Variants in ZBTB7C observed in about 807,000 individuals in gnomAD.
The protein encoded by ZBTB7C is zinc finger and BTB domain containing 7C, also known as zinc finger and BTB domain-containing protein 7C.
Under a neutral mutation model 25.7 loss-of-function variants are expected in ZBTB7C, and 8 were observed. The observed-to-expected ratio is 0.31, with a 90% CI of 0.18 to 0.56. The LOEUF (loss-of-function observed/expected upper bound fraction) is 0.56. Among genes scored for constraint, ZBTB7C ranks in the 20% least tolerant of loss-of-function variants. ZBTB7C has a pLI of 0.91. For synonymous variants in ZBTB7C, 394 were observed against 369.0 expected, an observed-to-expected ratio of 1.07 and a Z score of -0.78; for missense variants, 824 against 855.2, an observed-to-expected ratio of 0.96 and a Z score of 0.46.
chr18:48,229,522 T>G (rs1396401349), intron 2 of ZBTB7C, among the ~76,000 whole-genome samples: 1 of 152,172 alleles, frequency 6.6e-6, no homozygotes, highest in Non-Finnish European at 1.5e-5. Flanking sequence ...GACAGTTCAT[T>G]TATAAGAAGT....
At chr18:48,052,535 A>G (rs2036731753) in intron 3 of ZBTB7C, among the ~76,000 whole-genome samples, 1 of 152,108 alleles carries the variant, frequency 6.6e-6, no homozygotes, top group African/African-American at 2.4e-5. Flanking sequence ...AGCTGAGTCC[A>G]TTGCTGCTGG....
chr18:48,167,597 T>TGTGTGTGTGTGCGC (rs779870966), intron 3 of ZBTB7C, among the ~76,000 whole-genome samples: 163 of 148,146 alleles, frequency 1.1e-3, no homozygotes, highest in African/African-American at 3.7e-3. Context: ...TGTGTGTGTG[T>TGTGTGTGTGTGCGC]GCGCGCGTGC....
chr18:48,119,275 G>A (rs1033142890), intron 3 of ZBTB7C, among the ~76,000 whole-genome samples: 1 of 152,216 alleles, frequency 6.6e-6, no homozygotes, highest in Non-Finnish European at 1.5e-5. Context: ...TAAAACAATG[G>A]CACCTGATCT....
At chr18:48,354,126 T>C (rs1162142255) in intron 1 of ZBTB7C, among the ~76,000 whole-genome samples, 1 of 152,224 alleles carries the variant, frequency 6.6e-6, no homozygotes, top group Non-Finnish European at 1.5e-5. Context: ...AATTCACATC[T>C]GCACACAAAA....
chr18:48,189,772 C>A (rs1163907150), intron 2 of ZBTB7C, among the ~76,000 whole-genome samples: 3 of 152,156 alleles, frequency 2.0e-5, no homozygotes, highest in African/African-American at 7.2e-5. Flanking sequence ...GCCTTGCTCT[C>A]ATTAGATCAT....
chr18:48,319,972 A>G (rs2144847495), intron 2 of ZBTB7C, among the ~76,000 whole-genome samples: 1 of 152,292 alleles, frequency 6.6e-6, no homozygotes, highest in East Asian at 1.9e-4. Flanking sequence ...ATAGAATAGA[A>G]AAAAATTCCC....
chr18:48,040,258 T>C lies in ZBTB7C; in HGVS notation c.850A>G (p.Ile284Val). Residue 284 changes from isoleucine (I) to valine (V), a missense_variant, in exon 4 of 5, where the codon ATC (isoleucine) becomes GTC (valine). Physicochemically the swap from Ile to Val is conservative, Grantham distance 29 (BLOSUM62 3). This residue lies in a region of ZBTB7C where 316 missense variants were observed against 299.2 expected (regional missense o/e 1.06). Transcript: ENST00000590800. ...PMDSGPLDLV[I>V]KNRKIKEEEK... ...TCCTCCTTGATCTTCCGATTCTTGA[T>C]GACCAGATCCAGTGGCCCACTGTCC... 1 of 1,561,238 alleles carries C rather than the reference T, an allele frequency of 6.4e-7. No individual in the cohort carries two copies. Among genetic ancestry groups the C allele is most frequent in the Non-Finnish European group, 8.6e-7 (1 of 1,156,540 alleles).
At chr18:48,257,421 A>G (rs1381228471) in intron 2 of ZBTB7C, among the ~76,000 whole-genome samples, 1 of 152,158 alleles carries the variant, frequency 6.6e-6, no homozygotes, top group African/African-American at 2.4e-5. Flanking sequence ...GTACTTAAAA[A>G]CTTTCCCATA....
chr18:48,039,379 ATGT>A (rs1321713854), intron 4 of ZBTB7C, among the ~76,000 whole-genome samples: 5 of 152,150 alleles, frequency 3.3e-5, no homozygotes, highest in Non-Finnish European at 5.9e-5. Context: ...CCACTGGGAG[ATGT>A]GTCATAAACA....
At chr18:48,345,549 C>T (rs2046709286) in intron 1 of ZBTB7C, among the ~76,000 whole-genome samples, 1 of 151,668 alleles carries the variant, frequency 6.6e-6, no homozygotes, top group Admixed American at 6.5e-5. Flanking sequence ...CACCGCCCCC[C>T]ACACCCCCAG....
At chr18:48,236,131 T>G (rs574285687) in intron 2 of ZBTB7C, among the ~76,000 whole-genome samples, 1 of 152,368 alleles carries the variant, frequency 6.6e-6, no homozygotes, top group South Asian at 2.1e-4. Context: ...TGTTTCTCTA[T>G]TCTGTATTCT....
intron 2 of ZBTB7C, among the ~76,000 whole-genome samples, chr18:48,191,347 T>C (rs1401365435): frequency 1.3e-5 from 2 of 152,210 alleles, no homozygotes; most frequent in African/African-American, 2.4e-5. Flanking sequence ...CTGTGTGACA[T>C]TGGGCGAGTG....
intron 3 of ZBTB7C, among the ~76,000 whole-genome samples, chr18:48,160,158 G>A (rs1474683521): frequency 6.6e-6 from 1 of 152,168 alleles, no homozygotes; most frequent in Non-Finnish European, 1.5e-5. Flanking sequence ...AGGCTCCGAT[G>A]GGGGTCACTG....
intron 3 of ZBTB7C, among the ~76,000 whole-genome samples, chr18:48,103,078 TTA>T (rs1293434027): frequency 7.3e-6 from 1 of 136,844 alleles, no homozygotes; most frequent in Non-Finnish European, 1.5e-5. Context: ...ATATTTTATA[TTA>T]TATATATCTT....
At chr18:48,137,422 A>C (rs12605943) in intron 3 of ZBTB7C, 389,381 of 632,390 alleles carry the variant, frequency 0.62, 116,615 homozygotes, top group Admixed American at 0.72. Flanking sequence ...GTTTCCCCCC[A>C]CTCTCCTTCT....
At chr18:48,403,406 G>C (rs9955746) in intron 1 of ZBTB7C, among the ~76,000 whole-genome samples, 5,493 of 152,300 alleles carry the variant, frequency 0.036, 334 homozygotes, top group African/African-American at 0.12. Context: ...GCCTACATGA[G>C]AGTATGTATG....
intron 1 of ZBTB7C, among the ~76,000 whole-genome samples, chr18:48,357,849 A>G (rs2047011340): frequency 6.6e-6 from 1 of 152,190 alleles, no homozygotes; most frequent in Non-Finnish European, 1.5e-5. Context: ...AACGGCACAG[A>G]GTAGAAGTTT....
intron 1 of ZBTB7C, among the ~76,000 whole-genome samples, chr18:48,363,531 T>C (rs1456696067): frequency 6.6e-6 from 1 of 151,984 alleles, no homozygotes; most frequent in South Asian, 2.1e-4. Context: ...TCCAAGGCAA[T>C]TGAAAAGAGC....
rs141564101 is a variant in ZBTB7C at position 48,042,397 on chromosome 18, A to G, written c.-16-1274T>C. Among the ~76,000 whole-genome samples the G allele has an allele frequency of 2.8e-3, 430 of 152,348 alleles. 2 individuals carry two copies. The highest frequency in any genetic ancestry group is 4.9e-3 in the Non-Finnish European group (330 of 68,040). ...GGCTCATCTAGATAAATCCTAGCAA[A>G]GCCCTGGCCCTTATCTTGGTACAAA... On this transcript the variant is annotated intron_variant, in intron 3 of 4. Transcript: ENST00000590800.
Sources: gnomAD v4.1 joint callset for allele counts (sites outside exome capture counted in the v4.1 genomes callset) on GRCh38, gnomAD v4.1.1 for gene constraint, gnomAD v4.1.1 regional missense constraint, MANE v1.5 for transcripts, NCBI Gene and HGNC (gene_info 2026-07-23, HGNC 2026-07-21) for gene names.